Variants in CRP observed in about 807,000 individuals in gnomAD.
CRP encodes C-reactive protein.
In CRP, 6 loss-of-function variants were observed where a neutral mutation model predicts 3.0. The observed-to-expected ratio is 2.02, with a 90% CI of 1.11 to 3.99. CRP has a LOEUF of 3.99. Among genes scored for constraint, CRP ranks in the 30% most tolerant of loss-of-function variants. The pLI, the probability that CRP is intolerant of heterozygous loss-of-function variation, is 0.00. For synonymous variants in CRP, 130 were observed against 111.0 expected (o/e 1.17, Z -1.08); for missense variants, 297 against 271.0 (o/e 1.10, Z -0.67).
chr1:159,714,257 CCACACACACA>C (rs59936680), intron 1 of CRP, 119 bp from the exon 2 acceptor site: 76,529 of 671,794 alleles, frequency 0.11, 94 homozygotes, highest in East Asian at 0.15. Context: ...CAGTTACACA[CCACACACACA>C]CACACACACA....
chr1:159,713,926 T>C lies in CRP; in HGVS notation c.274A>G (p.Ser92Gly), dbSNP rs1156612610. 6.2e-7 allele frequency: 1 copy of C among 1,614,018 alleles called. No individual in the cohort carries two copies. Among genetic ancestry groups the C allele is most frequent in the South Asian group, 1.1e-5 (1 of 91,070 alleles). ...ATTTCAGACCCACCCACTGTAAAAC[T>C]GTATCCTATATCCTTAGACCAAAAT... ...LIFWSKDIGY[S>G]FTVGGSEILF... The change falls in exon 2 of 2, where the codon AGT becomes GGT. Residue 92 changes from serine (S) to glycine (G), a missense_variant. Coordinates refer to ENST00000255030, the MANE Select transcript of CRP (RefSeq NM_000567.3).
chr1:159,713,690 C>G lies in CRP; in HGVS notation c.510G>C (p.Leu170=). ...FGGNFEGSQS[L]VGDIGNVNMW... is the part of the protein sequence containing the mutation. Reference sequence around the variant, plus strand: ...TGTTCACATTTCCAATGTCTCCCACCAGGGACTGGCTTCCTTCAAAGTTCC... The same window carrying G: ...TGTTCACATTTCCAATGTCTCCCACGAGGGACTGGCTTCCTTCAAAGTTCC... The change falls in exon 2 of 2, where the codon CTG becomes CTC. Residue 170 remains leucine, a synonymous_variant. Transcript: ENST00000255030. 1.2e-6 allele frequency: 2 copies of G among 1,614,188 alleles called. No homozygotes were observed. Among genetic ancestry groups the G allele is most frequent in the Non-Finnish European group, 1.7e-6 (2 of 1,180,044 alleles).
chr1:159,714,399 C>T (rs2101678179), intron 1 of CRP, 26 bp downstream of exon 1: 2 of 1,595,048 alleles, frequency 1.3e-6, no homozygotes, highest in East Asian at 4.5e-5. Flanking sequence ...GATCAAATCT[C>T]TCCCATAGCC....
chr1:159,714,318 C>G, intron 1 of CRP, 107 bp downstream of exon 1: 4 of 1,171,392 alleles, frequency 3.4e-6, no homozygotes, highest in Non-Finnish European at 4.9e-6. Context: ...CTCCACTGTT[C>G]TGTTCATACA....
chr1:159,712,589 A>C lies in CRP; in HGVS notation c.*936T>G, dbSNP rs1660699036. ...GAAGACTGTAGTTGGTCCTGCTAGG[A>C]ACACGTAACTATCCAACTATCCTCC... On this transcript the variant is annotated 3_prime_UTR_variant, in exon 2 of 2. Coordinates refer to ENST00000255030, the MANE Select transcript of CRP (RefSeq NM_000567.3). 1 of 152,254 alleles carries C rather than the reference A, an allele frequency of 6.6e-6. No individual in the cohort carries two copies. Among genetic ancestry groups the C allele is most frequent in the Admixed American group, 6.5e-5 (1 of 15,286 alleles). 9.4% of individuals were successfully genotyped at this position (152,254 alleles called of 1,614,324 possible). A position where few individuals can be genotyped will look rare whatever the true frequency, so the allele number is the denominator to read the frequency against.
chr1:159,714,503 A>G lies in CRP; in HGVS notation c.-18T>C. 6.2e-7 allele frequency: 1 copy of G among 1,613,764 alleles called. No homozygotes were observed. Among genetic ancestry groups the G allele is most frequent in the Non-Finnish European group, 8.5e-7 (1 of 1,179,952 alleles). The stretch of plus-strand genomic sequence containing the variant: ...TTCTCCATGGTCACGTCCTGCTGCC[A>G]GTGATACAAGGGCCTGAATTCACTC... On this transcript the variant is annotated 5_prime_UTR_variant, in exon 1 of 2. Transcript: ENST00000255030.
chr1:159,713,678 A>T lies in CRP; in HGVS notation c.522T>A (p.Ile174=). Residue 174 remains isoleucine, a synonymous_variant, in exon 2 of 2, where the codon ATT becomes ATA. Transcript: ENST00000255030. ...CAAAGTCCCACATGTTCACATTTCCAATGTCTCCCACCAGGGACTGGCTTC... is the reference window on the plus strand; with the variant it reads ...CAAAGTCCCACATGTTCACATTTCCTATGTCTCCCACCAGGGACTGGCTTC... ...FEGSQSLVGD[I]GNVNMWDFVL... is the part of the protein sequence containing the mutation. 3 of 1,614,088 alleles carry T rather than the reference A, an allele frequency of 1.9e-6. No homozygotes were observed. The highest frequency in any genetic ancestry group is 1.7e-6 in the Non-Finnish European group (2 of 1,180,020).
In CRP at chr1:159,713,552, C is replaced by A. The variant is rs1446491769; in HGVS notation, c.648G>T (p.Val216=). Residue 216 remains valine (V), a synonymous_variant, in exon 2 of 2, where the codon GTG becomes GTT. Transcript: ENST00000255030. ...RALKYEVQGE[V]FTKPQLWP ...AGGGCCACAGCTGGGGTTTGGTGAA[C>A]ACTTCGCCTTGCACTTCATACTTCA... 4 of 1,612,956 alleles carry A rather than the reference C, an allele frequency of 2.5e-6. No homozygotes were observed. In the South Asian group the frequency reaches 4.4e-5, roughly 18 times the overall value.
At position 159,713,915 on chromosome 1, in the gene CRP, C is replaced by T. The variant is rs905848099; in HGVS notation, c.285G>A (p.Val95=). 2 of 1,613,912 alleles carry T rather than the reference C, an allele frequency of 1.2e-6. No individual in the cohort carries two copies. The highest frequency in any genetic ancestry group is 1.3e-5 in the African/African-American group (1 of 74,862). ...CCTCGAATAATATTTCAGACCCACC[C>T]ACTGTAAAACTGTATCCTATATCCT... ...WSKDIGYSFT[V]GGSEILFEVP... Residue 95 remains valine, a synonymous_variant, in exon 2 of 2, where the codon GTG becomes GTA. Coordinates refer to ENST00000255030, the MANE Select transcript of CRP (RefSeq NM_000567.3).
Position 159,714,449 on chromosome 1 carries a change from G to A in CRP, c.37C>T (p.Leu13Phe), listed in dbSNP as rs867726017. Residue 13 changes from leucine (L) to phenylalanine (F), a missense_variant, in exon 1 of 2, where the codon CTC (leucine) becomes TTC (phenylalanine). Leu to Phe is a conservative substitution (Grantham distance 22). Coordinates refer to ENST00000255030, the MANE Select transcript of CRP (RefSeq NM_000567.3). Reference sequence around the variant, plus strand: ...CCTGTCTGGCCAAAAGCATGAGAGAGGCTGGTCAAGACCAAGAAACACAAC... The same window carrying A: ...CCTGTCTGGCCAAAAGCATGAGAGAAGCTGGTCAAGACCAAGAAACACAAC... Reference protein sequence around the residue: ...KLLCFLVLTSLSHAFGQTDMS... With the variant: ...KLLCFLVLTSFSHAFGQTDMS... 1.2e-6 allele frequency: 2 copies of A among 1,613,656 alleles called. No homozygotes were observed. The highest frequency in any genetic ancestry group is 1.7e-4 in the Middle Eastern group (1 of 5,964).
Position 159,714,451 on chromosome 1 carries a change from C to G in CRP, c.35G>C (p.Ser12Thr). ...EKLLCFLVLTSLSHAFGQTDM... is the reference protein window; with the variant it reads ...EKLLCFLVLTTLSHAFGQTDM... ...TGTCTGGCCAAAAGCATGAGAGAGG[C>G]TGGTCAAGACCAAGAAACACAACAG... is the stretch of plus-strand genomic sequence containing the variant. The change falls in exon 1 of 2, where the codon AGC (serine) becomes ACC (threonine). Residue 12 changes from serine (S) to threonine (T), a missense_variant. By Grantham distance (58) the Ser-to-Thr change is moderately conservative. Transcript: ENST00000255030. The G allele has an allele frequency of 6.2e-7, 1 of 1,613,602 alleles. No homozygotes were observed. Among genetic ancestry groups the G allele is most frequent in the Non-Finnish European group, 8.5e-7 (1 of 1,179,984 alleles).
chr1:159,713,204 T>G lies in CRP; in HGVS notation c.*321A>C, dbSNP rs1660719334. ...TCATTTCTCCTTTCTGGGTGTTAGT[T>G]TTCTCATCTATGTGAGGTAAGAAAT... On this transcript the variant is annotated 3_prime_UTR_variant, in exon 2 of 2. Transcript: ENST00000255030. 1 of 242,778 alleles carries G rather than the reference T, an allele frequency of 4.1e-6. No individual in the cohort carries two copies. Among genetic ancestry groups the G allele is most frequent in the Admixed American group, 4.9e-5 (1 of 20,448 alleles). The allele number at this position is 242,778 out of a possible 1,614,324, so 15.0% of individuals were successfully genotyped here.
Position 159,714,546 on chromosome 1 carries a change from T to C in CRP, c.-61A>G. On this transcript the variant is annotated 5_prime_UTR_variant, in exon 1 of 2. Coordinates refer to ENST00000255030, the MANE Select transcript of CRP (RefSeq NM_000567.3). ...ATTCACTCCTTTGGAAAAGATGTAT[T>C]CGGCTGAAAGTTCAGGGGCTAGAAG... 2 of 1,591,170 alleles carry C rather than the reference T, an allele frequency of 1.3e-6. No homozygotes were observed. The highest frequency in any genetic ancestry group is 1.3e-5 in the African/African-American group (1 of 74,666).
In CRP at chr1:159,713,972, T is replaced by TG; in HGVS notation, c.227_228insC (p.Arg76SerfsTer5). ...AAAATATGAGAATCTCATTGTCTTGTCTCTTGGTGGCATACGAGAAAATAC... is the reference window on the plus strand; with the variant it reads ...AAAATATGAGAATCTCATTGTCTTGTGCTCTTGGTGGCATACGAGAAAATAC... On this transcript the variant is annotated frameshift_variant, in exon 2 of 2. Transcript: ENST00000255030. LOFTEE classifies it low-confidence loss of function (END_TRUNC). 2 of 1,613,616 alleles carry TG rather than the reference T, an allele frequency of 1.2e-6. No homozygotes were observed. Among genetic ancestry groups the TG allele is most frequent in the Non-Finnish European group, 1.7e-6 (2 of 1,179,994 alleles).
Position 159,712,644 on chromosome 1 carries a change from G to T in CRP, c.*881C>A, listed in dbSNP as rs975310319. On this transcript the variant is annotated 3_prime_UTR_variant, in exon 2 of 2. Coordinates refer to ENST00000255030, the MANE Select transcript of CRP (RefSeq NM_000567.3). ...AGGGAGCTGGGGAGATGGGAGATGGGCTCCTCTGACAGGACACCCTGTGGT... is the reference window on the plus strand; with the variant it reads ...AGGGAGCTGGGGAGATGGGAGATGGTCTCCTCTGACAGGACACCCTGTGGT... 1 of 152,288 alleles carries T rather than the reference G, an allele frequency of 6.6e-6. No homozygotes were observed. The highest frequency in any genetic ancestry group is 2.4e-5 in the African/African-American group (1 of 41,442). The allele number at this position is 152,288 out of a possible 1,614,324, so 9.4% of individuals were successfully genotyped here.
chr1:159,714,257 CCACACACACACACA>C (rs59936680), intron 1 of CRP, 119 bp from the exon 2 acceptor site: 411 of 723,746 alleles, frequency 5.7e-4, no homozygotes, highest in Non-Finnish European at 6.5e-4. Flanking sequence ...CAGTTACACA[CCACACACACACACA>C]CACACACACA....
At position 159,714,407 on chromosome 1, in the gene CRP, G is replaced by A; in HGVS notation, c.61+18C>T. 3 of 1,606,746 alleles carry A rather than the reference G, an allele frequency of 1.9e-6. No homozygotes were observed. The highest frequency in any genetic ancestry group is 1.7e-6 in the Non-Finnish European group (2 of 1,176,906). On this transcript the variant is annotated intron_variant, in intron 1 of 1. Coordinates refer to ENST00000255030, the MANE Select transcript of CRP (RefSeq NM_000567.3). ...TACCTCAGATCAAATCTCTCCCATAGCCTGGGGTGGCCCTTACCTGTCTGG... is the reference window on the plus strand; with the variant it reads ...TACCTCAGATCAAATCTCTCCCATAACCTGGGGTGGCCCTTACCTGTCTGG...
chr1:159,712,773 G>A lies in CRP; in HGVS notation c.*752C>T, dbSNP rs1324492263. 6.6e-6 allele frequency: 1 copy of A among 152,216 alleles called. No homozygotes were observed. The highest frequency in any genetic ancestry group is 1.5e-5 in the Non-Finnish European group (1 of 68,052). 9.4% of individuals were successfully genotyped at this position (152,216 alleles called of 1,614,324 possible). A position where few individuals can be genotyped will look rare whatever the true frequency, so the allele number is the denominator to read the frequency against. ...GGAAAAGGGGAGGAGTTTCCCAGAA[G>A]AGCCATAAAATTAAGAAAGCACTGC... On this transcript the variant is annotated 3_prime_UTR_variant, in exon 2 of 2. Transcript: ENST00000255030.
chr1:159,713,409 G>A lies in CRP; in HGVS notation c.*116C>T. On this transcript the variant is annotated 3_prime_UTR_variant, in exon 2 of 2. Transcript: ENST00000255030. ...ATGCATATAGGGGAACAAAGGCCCA[G>A]AGACAGAGACGTGGGAACCATGCAG... 1.4e-6 allele frequency: 2 copies of A among 1,382,956 alleles called. No individual in the cohort carries two copies. The highest frequency in any genetic ancestry group is 1.9e-6 in the Non-Finnish European group (2 of 1,026,700). The allele number at this position is 1,382,956 out of a possible 1,614,324, so 85.7% of individuals were successfully genotyped here.
Sources: gnomAD v4.1 joint callset for allele counts on GRCh38, gnomAD v4.1.1 for gene constraint, MANE v1.5 for transcripts, NCBI Gene and HGNC (gene_info 2026-07-23, HGNC 2026-07-21) for gene names.